Variants in ARFGAP3 observed in about 807,000 individuals in gnomAD.
ARFGAP3 encodes ARF GTPase activating protein 3.
ARFGAP3 carries 72 observed loss-of-function variants against 75.0 expected under a neutral mutation model. The observed-to-expected ratio is 0.96, with a 90% confidence interval of 0.79 to 1.17. The LOEUF (loss-of-function observed/expected upper bound fraction) is 1.17. Ranked by LOEUF, ARFGAP3 falls within the 50% of genes most tolerant of loss-of-function variation. ARFGAP3 has a pLI of 0.00. For missense variants in ARFGAP3, 620 were observed against 626.6 expected, an observed-to-expected ratio of 0.99 and a Z score of 0.11; for synonymous variants, 221 against 217.9, an observed-to-expected ratio of 1.01 and a Z score of -0.13.
At chr22:42,800,804 C>T (rs1364818954) in intron 14 of ARFGAP3, among the ~76,000 whole-genome samples, 3 of 152,246 alleles carry the variant, frequency 2.0e-5, no homozygotes, top group Non-Finnish European at 2.9e-5. Context: ...CTGGAGGGGC[C>T]GGGTGGCCAT....
intron 9 of ARFGAP3, 98 bp downstream of exon 9, chr22:42,822,172 C>T: frequency 6.7e-6 from 5 of 743,728 alleles, no homozygotes; most frequent in Non-Finnish European, 1.1e-5. Flanking sequence ...ACCCTCCCTT[C>T]CCCCCCCACA....
intron 15 of ARFGAP3, among the ~76,000 whole-genome samples, chr22:42,798,641 A>G (rs1453426554): frequency 5.3e-5 from 8 of 152,168 alleles, no homozygotes; most frequent in East Asian, 1.9e-4. Flanking sequence ...CTTTAAAAAG[A>G]TAGATATGTA....
intron 11 of ARFGAP3, among the ~76,000 whole-genome samples, chr22:42,812,580 G>A (rs922779920): frequency 6.6e-5 from 10 of 152,304 alleles, no homozygotes; most frequent in Admixed American, 2.6e-4. Flanking sequence ...ACCCATAAGA[G>A]CAAAGAGGCC....
chr22:42,821,493 T>C (rs1925811088), intron 9 of ARFGAP3, among the ~76,000 whole-genome samples: 1 of 152,364 alleles, frequency 6.6e-6, no homozygotes, highest in South Asian at 2.1e-4. Context: ...TGATCTTTTA[T>C]GACTGGCTTC....
chr22:42,836,441 C>T (rs1165303085), intron 3 of ARFGAP3, among the ~76,000 whole-genome samples: 7 of 152,116 alleles, frequency 4.6e-5, no homozygotes, highest in Admixed American at 3.9e-4. Context: ...ACTTCGTCCA[C>T]AATCAATCTC....
chr22:42,848,021 T>A (rs1927099916), intron 1 of ARFGAP3, among the ~76,000 whole-genome samples: 1 of 148,380 alleles, frequency 6.7e-6, no homozygotes, highest in South Asian at 2.2e-4. Flanking sequence ...CACACCACTA[T>A]ACCCAACTAA....
chr22:42,807,079 G>C lies in ARFGAP3; in HGVS notation c.1405C>G (p.Pro469Ala). 6.2e-7 allele frequency: 1 copy of C among 1,610,226 alleles called. No individual in the cohort carries two copies. Residue 469 changes from proline (P) to alanine (A), a missense_variant, in exon 14 of 16, where the codon CCA becomes GCA. Coordinates refer to ENST00000263245, the MANE Select transcript of ARFGAP3 (RefSeq NM_014570.5). Reference sequence around the variant, plus strand: ...CTTGTTCAGTGCCCCCTACCTGCTGGCTGCTTCCTCGGCTCCTCGAACAGA... The same window carrying C: ...CTTGTTCAGTGCCCCCTACCTGCTGCCTGCTTCCTCGGCTCCTCGAACAGA... Reference protein sequence around the residue: ...ADLFEEPRKQPAGNYSLSSVL... With the variant: ...ADLFEEPRKQAAGNYSLSSVL...
chr22:42,837,854 A>ATT (rs111624257), intron 3 of ARFGAP3, among the ~76,000 whole-genome samples: 1 of 147,438 alleles, frequency 6.8e-6, no homozygotes, highest in African/African-American at 2.5e-5. Flanking sequence ...CTAATTTAAA[A>ATT]TTTTTTTTTT....
At chr22:42,806,358 G>A (rs1925123560) in intron 14 of ARFGAP3, among the ~76,000 whole-genome samples, 1 of 152,206 alleles carries the variant, frequency 6.6e-6, no homozygotes, top group African/African-American at 2.4e-5. Context: ...AGGGGCCGGC[G>A]CTCTGAGGCC....
chr22:42,837,137 G>A (rs1022767282), intron 3 of ARFGAP3, among the ~76,000 whole-genome samples: 2 of 152,142 alleles, frequency 1.3e-5, no homozygotes, highest in African/African-American at 2.4e-5. Flanking sequence ...ACAAGTTTGT[G>A]AACATCATGA....
At chr22:42,813,814 G>A (rs1469663379) in intron 11 of ARFGAP3, among the ~76,000 whole-genome samples, 3 of 152,158 alleles carry the variant, frequency 2.0e-5, no homozygotes, top group Non-Finnish European at 4.4e-5. Flanking sequence ...GACGACTAAC[G>A]GCCACTAGTC....
intron 7 of ARFGAP3, among the ~76,000 whole-genome samples, chr22:42,824,170 ATTTTTTTTTTTTTTT>A (rs57620930): frequency 1.7e-5 from 1 of 59,844 alleles, no homozygotes; most frequent in Non-Finnish European, 3.0e-5. Context: ...ACATCTGGCT[ATTTTTTTTTTTTTTT>A]TTTTTTTTTT....
intron 1 of ARFGAP3, among the ~76,000 whole-genome samples, chr22:42,856,888 C>T (rs1259900992): frequency 6.6e-6 from 1 of 151,158 alleles, no homozygotes; most frequent in African/African-American, 2.4e-5. Context: ...CCCGGGAACG[C>T]TCCCCGGCTC....
At chr22:42,847,281 T>G (rs1927064276) in intron 2 of ARFGAP3, 1 of 400,276 alleles carries the variant, frequency 2.5e-6, no homozygotes, top group Admixed American at 4.6e-5. Context: ...ATCCTCCCAC[T>G]TCAGCCTCCT....
intron 1 of ARFGAP3, among the ~76,000 whole-genome samples, chr22:42,850,613 C>CAGA (rs1405814857): frequency 6.9e-6 from 1 of 143,998 alleles, no homozygotes; most frequent in Non-Finnish European, 1.5e-5. Flanking sequence ...ACTTTATAGG[C>CAGA]AGAATCACTT....
chr22:42,847,266 A>C, intron 2 of ARFGAP3: 1 of 371,544 alleles, frequency 2.7e-6, no homozygotes, highest in South Asian at 3.1e-5. Flanking sequence ...TCCTGGGCTT[A>C]AGTGATCCTC....
chr22:42,828,334 G>A (rs1199968188), intron 6 of ARFGAP3, among the ~76,000 whole-genome samples: 1 of 151,820 alleles, frequency 6.6e-6, no homozygotes. Context: ...CAAGGGGGAC[G>A]CATCATGAGG....
intron 11 of ARFGAP3, among the ~76,000 whole-genome samples, chr22:42,816,131 C>CA (rs1204389169): frequency 6.6e-6 from 1 of 151,974 alleles, no homozygotes. Flanking sequence ...AACAAACAAA[C>CA]AAAAAACATT....
At chr22:42,818,525 C>T (rs1189412237) in intron 9 of ARFGAP3, among the ~76,000 whole-genome samples, 1 of 152,062 alleles carries the variant, frequency 6.6e-6, no homozygotes, top group Non-Finnish European at 1.5e-5. Flanking sequence ...AAAAGGTGTA[C>T]AAAACATTGT....
Sources: allele counts gnomAD v4.1 joint callset (sites outside exome capture counted in the v4.1 genomes callset), GRCh38; gene constraint gnomAD v4.1.1; transcripts MANE v1.5; gene names NCBI Gene and HGNC (gene_info 2026-07-23, HGNC 2026-07-21).